The following POU2F1 variants were observed in gnomAD, a reference collection of about 807,000 sequenced individuals.
POU2F1 encodes POU domain, class 2, transcription factor 1.
In POU2F1, 16 loss-of-function variants were observed where a neutral mutation model predicts 84.9. That is an observed-to-expected ratio of 0.19 (90% CI 0.13 to 0.29). The LOEUF is 0.29. Ranked by LOEUF, POU2F1 falls within the 10% of genes least tolerant of loss-of-function variation. POU2F1 has a pLI of 1.00. For synonymous variants in POU2F1, 368 were observed against 368.3 expected (o/e 1.00, Z 0.01); for missense variants, 738 against 942.6 (o/e 0.78, Z 2.84).
intron 1 of POU2F1, among the ~76,000 whole-genome samples, chr1:167,271,774 A>G (rs980429203): frequency 1.6e-4 from 25 of 152,178 alleles, no homozygotes; most frequent in African/African-American, 6.0e-4. Flanking sequence ...ATTTCCACAA[A>G]CATTGGAAAT....
intron 12 of POU2F1, 119 bp from the exon 13 acceptor site, chr1:167,401,332 C>A (rs928097030): frequency 3.3e-6 from 2 of 600,602 alleles, no homozygotes; most frequent in African/African-American, 3.8e-5. Flanking sequence ...CGAATAGCAG[C>A]TTTCCAACAT....
chr1:167,330,759 G>A (rs1557899872), intron 1 of POU2F1, among the ~76,000 whole-genome samples: 1 of 152,078 alleles, frequency 6.6e-6, no homozygotes, highest in Non-Finnish European at 1.5e-5. Context: ...GGGAAAATTA[G>A]AATATGAATT....
At chr1:167,267,630 C>CTTTTTTTTTTTTTTTTTTTT (rs71073658) in intron 1 of POU2F1, among the ~76,000 whole-genome samples, 1 of 70,464 alleles carries the variant, frequency 1.4e-5, no homozygotes. Flanking sequence ...GTTACTGTGT[C>CTTTTTTTTTTTTTTTTTTTT]TTTTTTTTTT....
intron 1 of POU2F1, among the ~76,000 whole-genome samples, chr1:167,225,742 C>T (rs995005618): frequency 6.6e-6 from 1 of 152,136 alleles, no homozygotes; most frequent in Non-Finnish European, 1.5e-5. Context: ...TTAAGTTGGT[C>T]ACTCATTTTC....
At position 167,354,190 on chromosome 1, in the gene POU2F1, T is replaced by A. The variant is rs181551409; in HGVS notation, c.128-11277T>A. ...CCATTATTGATGGACATTTGGGTTA[T>A]TTCTAGGCTTTTGCTATTACAAATA... On this transcript the variant is annotated intron_variant, in intron 2 of 15. Coordinates refer to ENST00000367866, the MANE Select transcript of POU2F1 (RefSeq NM_002697.4). 9.2e-5 allele frequency among the ~76,000 whole-genome samples: 14 copies of A among 152,388 alleles called. No individual in the cohort carries two copies. In the East Asian group the frequency reaches 2.7e-3, roughly 29 times the overall value.
At chr1:167,352,331 G>T (rs568711146) in intron 2 of POU2F1, among the ~76,000 whole-genome samples, 29 of 152,332 alleles carry the variant, frequency 1.9e-4, no homozygotes, top group African/African-American at 7.0e-4. Flanking sequence ...TAAAAGAAAT[G>T]TAGTTGAAGT....
rs1485861989 is a variant in POU2F1 at position 167,426,672 on chromosome 1, C to T, written c.*10862C>T. 1 of 152,098 alleles carries T rather than the reference C, an allele frequency of 6.6e-6. No homozygotes were observed. The highest frequency in any genetic ancestry group is 1.5e-5 in the Non-Finnish European group (1 of 68,026). The allele number at this position is 152,098 out of a possible 1,614,324, so 9.4% of individuals were successfully genotyped here. Reference sequence around the variant, plus strand: ...GTCCACTGTTGTCAAAGGAGGGGCACAAGGGGAATTGGCCCCCGGCCTCCT... The same window carrying T: ...GTCCACTGTTGTCAAAGGAGGGGCATAAGGGGAATTGGCCCCCGGCCTCCT... On this transcript the variant is annotated 3_prime_UTR_variant, in exon 16 of 16. Coordinates refer to ENST00000367866, the MANE Select transcript of POU2F1 (RefSeq NM_002697.4).
At chr1:167,377,401 A>T (rs1023586813) in intron 7 of POU2F1, among the ~76,000 whole-genome samples, 1 of 152,112 alleles carries the variant, frequency 6.6e-6, no homozygotes, top group Non-Finnish European at 1.5e-5. Context: ...CCTAGCTAAC[A>T]CAGTGAAACC....
intron 1 of POU2F1, among the ~76,000 whole-genome samples, chr1:167,281,562 G>A (rs141633147): frequency 2.0e-5 from 3 of 152,342 alleles, no homozygotes; most frequent in Non-Finnish European, 4.4e-5. Flanking sequence ...GAAAATGGGA[G>A]TGAGGTACAG....
chr1:167,397,987 C>T lies in POU2F1; in HGVS notation c.1130-7C>T. ...ATTTTATTTCTGTATTTTCTTCATTCTTACAGAGAACCTCTCATCTGATTC... is the reference window on the plus strand; with the variant it reads ...ATTTTATTTCTGTATTTTCTTCATTTTTACAGAGAACCTCTCATCTGATTC... On this transcript the variant is annotated splice_polypyrimidine_tract_variant and splice_region_variant and intron_variant, in intron 10 of 15. Transcript: ENST00000367866. 2 of 1,607,032 alleles carry T rather than the reference C, an allele frequency of 1.2e-6. No individual in the cohort carries two copies. The highest frequency in any genetic ancestry group is 1.7e-6 in the Non-Finnish European group (2 of 1,177,136).
chr1:167,262,127 A>G (rs937868929), intron 1 of POU2F1, among the ~76,000 whole-genome samples: 1 of 152,198 alleles, frequency 6.6e-6, no homozygotes, highest in African/African-American at 2.4e-5. Context: ...CAGTCTTAGC[A>G]CAGCAGCTAA....
chr1:167,315,400 C>T (rs981569487), intron 1 of POU2F1, among the ~76,000 whole-genome samples: 11 of 152,030 alleles, frequency 7.2e-5, no homozygotes, highest in African/African-American at 9.7e-5. Flanking sequence ...CTCCTATGTA[C>T]GAATGTTTAC....
intron 1 of POU2F1, among the ~76,000 whole-genome samples, chr1:167,307,350 C>G (rs1655140719): frequency 6.6e-6 from 1 of 151,676 alleles, no homozygotes; most frequent in Non-Finnish European, 1.5e-5. Context: ...AGCAATCTGA[C>G]AGTGGAATAT....
Position 167,415,868 on chromosome 1 carries a change from C to T in POU2F1, c.*58C>T, listed in dbSNP as rs770763302. The stretch of plus-strand genomic sequence containing the variant: ...TCACTCTGCAGTGTGATTGGACTGC[C>T]AGCCAGGTTAATAAACTGAAAAATG... On this transcript the variant is annotated 3_prime_UTR_variant, in exon 16 of 16. Coordinates refer to ENST00000367866, the MANE Select transcript of POU2F1 (RefSeq NM_002697.4). 1.2e-4 allele frequency: 175 copies of T among 1,481,306 alleles called. No individual in the cohort carries two copies. The highest frequency in any genetic ancestry group is 1.6e-4 in the Non-Finnish European group (171 of 1,096,150). 91.8% of individuals were successfully genotyped at this position (1,481,306 alleles called of 1,614,324 possible).
At chr1:167,269,369 G>T (rs1486512683) in intron 1 of POU2F1, among the ~76,000 whole-genome samples, 3 of 152,164 alleles carry the variant, frequency 2.0e-5, no homozygotes. Context: ...ACATTGTCAG[G>T]TTAGCAAGTC....
At chr1:167,369,689 G>A (rs1659885299) in intron 3 of POU2F1, among the ~76,000 whole-genome samples, 1 of 152,004 alleles carries the variant, frequency 6.6e-6, no homozygotes. Context: ...TGGCTGTGTG[G>A]GTGTGTAAAT....
intron 2 of POU2F1, among the ~76,000 whole-genome samples, chr1:167,339,617 G>A (rs1054028883): frequency 1.3e-5 from 2 of 152,192 alleles, no homozygotes; most frequent in Non-Finnish European, 2.9e-5. Flanking sequence ...TCTGCCCTGT[G>A]CCTGGGTTCA....
rs1215111169 is a variant in POU2F1 at position 167,426,579 on chromosome 1, T to A, written c.*10769T>A. On this transcript the variant is annotated 3_prime_UTR_variant, in exon 16 of 16. Transcript: ENST00000367866. ...TTTTTCTAAAGATGTTTTCTTTCTC[T>A]CTTTCAATATCTTAACTCACTTTTT... 6.6e-6 allele frequency: 1 copy of A among 152,258 alleles called. No homozygotes were observed. 9.4% of individuals were successfully genotyped at this position (152,258 alleles called of 1,614,324 possible). A position where few individuals can be genotyped will look rare whatever the true frequency, so the allele number is the denominator to read the frequency against.
At chr1:167,393,984 C>CATTTTATTTTATTTT (rs72197092) in intron 9 of POU2F1, among the ~76,000 whole-genome samples, 27 of 148,314 alleles carry the variant, frequency 1.8e-4, no homozygotes, top group East Asian at 3.9e-4. Context: ...AATGAAGTAA[C>CATTTTATTTTATTTT]ATTTTATTTT....
Sources: gnomAD v4.1 joint callset for allele counts (sites outside exome capture counted in the v4.1 genomes callset) on GRCh38, gnomAD v4.1.1 for gene constraint, MANE v1.5 for transcripts, NCBI Gene and HGNC (gene_info 2026-07-23, HGNC 2026-07-21) for gene names.